Variants in TAF2 observed in about 807,000 individuals in gnomAD.
TAF2 encodes transcription initiation factor TFIID subunit 2.
TAF2 carries 61 observed loss-of-function variants against 138.5 expected under a neutral mutation model. The observed-to-expected ratio is 0.44, with a 90% confidence interval of 0.36 to 0.54. The LOEUF is 0.54. Among genes scored for constraint, TAF2 ranks in the 20% least tolerant of loss-of-function variants. The pLI is 0.00. For synonymous variants in TAF2, 475 were observed against 469.9 expected, an observed-to-expected ratio of 1.01 and a Z score of -0.14; for missense variants, 1,090 against 1,427.9, an observed-to-expected ratio of 0.76 and a Z score of 3.81.
In TAF2 at chr8:119,778,019, C is replaced by G; in HGVS notation, c.2364G>C (p.Lys788Asn). Residue 788 changes from lysine to asparagine, a missense_variant and splice_region_variant, in exon 18 of 26, where the codon AAG (lysine) becomes AAC (asparagine). Around this residue, in one of 3 missense-constraint regions of TAF2, gnomAD observed 580 missense variants for 719.6 expected, o/e 0.81. Coordinates refer to ENST00000378164, the MANE Select transcript of TAF2 (RefSeq NM_003184.4). ...AGATTTAAAAATAAAAGTACCTCAC[C>G]TTATTTTTCCTGTTGTCATTGTACT... is the stretch of plus-strand genomic sequence containing the variant. ...LIKYNDNRKN[K>N]FSDNYYRAEM... The G allele has an allele frequency of 6.8e-7, 1 of 1,474,262 alleles. No homozygotes were observed. Among genetic ancestry groups the G allele is most frequent in the Non-Finnish European group, 9.4e-7 (1 of 1,061,558 alleles). 91.3% of individuals were successfully genotyped at this position (1,474,262 alleles called of 1,614,324 possible).
Position 119,744,306 on chromosome 8 carries a change from C to G in TAF2, c.3196G>C (p.Glu1066Gln), listed in dbSNP as rs760524439. ...ATCTTACCTGGAGTTGACGGCCTTT[C>G]AAGCATGTTTAAATGATGGGAAATG... ...AFISHHLNML[E>Q]RPSTPGLSKY... Residue 1066 changes from glutamate (E) to glutamine (Q), a missense_variant, in exon 24 of 26, where the codon GAA becomes CAA. Transcript: ENST00000378164. The G allele has an allele frequency of 6.2e-7, 1 of 1,613,812 alleles. No homozygotes were observed. Among genetic ancestry groups the G allele is most frequent in the South Asian group, 1.1e-5 (1 of 91,080 alleles).
intron 2 of TAF2, among the ~76,000 whole-genome samples, chr8:119,821,741 A>G (rs1483506347): frequency 1.3e-5 from 2 of 152,188 alleles, no homozygotes; most frequent in African/African-American, 4.8e-5. Flanking sequence ...TATTAGTGTT[A>G]TTATGACAAC....
At chr8:119,774,265 T>C (rs1339349334) in intron 18 of TAF2, among the ~76,000 whole-genome samples, 1 of 152,134 alleles carries the variant, frequency 6.6e-6, no homozygotes. Context: ...CATCAAAACC[T>C]AGTATTAATG....
intron 23 of TAF2, among the ~76,000 whole-genome samples, chr8:119,746,015 G>A (rs1411788897): frequency 6.6e-6 from 1 of 151,992 alleles, no homozygotes; most frequent in Non-Finnish European, 1.5e-5. Context: ...AAAAAGACAA[G>A]GCCCCTGTTT....
At position 119,779,249 on chromosome 8, in the gene TAF2, GACAC is replaced by G. The variant is rs10636618; in HGVS notation, c.2254-1124_2254-1121del. ...AAATACATTTTGTAACACAACCTAA[GACAC>G]ACACACACACACACACACACACACA... On this transcript the variant is annotated intron_variant, in intron 17 of 25. Coordinates refer to ENST00000378164, the MANE Select transcript of TAF2 (RefSeq NM_003184.4). 7.7e-3 allele frequency among the ~76,000 whole-genome samples: 1,142 copies of G among 147,362 alleles called. 10 individuals are homozygous for G. The highest frequency in any genetic ancestry group is 0.023 in the African/African-American group (929 of 39,832).
At chr8:119,781,415 C>T (rs1254091691) in intron 16 of TAF2, among the ~76,000 whole-genome samples, 1 of 152,176 alleles carries the variant, frequency 6.6e-6, no homozygotes, top group East Asian at 1.9e-4. Context: ...TGGTGGCTCA[C>T]ACCTGTAATC....
chr8:119,818,223 A>G (rs1825600241), intron 3 of TAF2, among the ~76,000 whole-genome samples: 1 of 152,202 alleles, frequency 6.6e-6, no homozygotes, highest in African/African-American at 2.4e-5. Flanking sequence ...GTAGGAGCCT[A>G]CCCACAATTT....
At chr8:119,778,912 A>G (rs115067217) in intron 17 of TAF2, among the ~76,000 whole-genome samples, 1,682 of 152,306 alleles carry the variant, frequency 0.011, 32 homozygotes, top group African/African-American at 0.038. Flanking sequence ...GATATGGACT[A>G]GCCCCTCTTC....
intron 21 of TAF2, among the ~76,000 whole-genome samples, chr8:119,757,586 A>T (rs891034372): frequency 3.9e-4 from 55 of 139,356 alleles, no homozygotes; most frequent in African/African-American, 1.4e-3. Flanking sequence ...TCTGCTAATA[A>T]TTTTTTTTTT....
Position 119,789,676 on chromosome 8 carries a change from T to G in TAF2, c.1484A>C (p.Gln495Pro). 6.2e-7 allele frequency: 1 copy of G among 1,613,964 alleles called. No individual in the cohort carries two copies. The highest frequency in any genetic ancestry group is 8.5e-7 in the Non-Finnish European group (1 of 1,179,958). The change falls in exon 12 of 26, where the codon CAG becomes CCG. Residue 495 changes from glutamine to proline, a missense_variant. This residue lies in a region of TAF2 where 504 missense variants were observed against 680.9 expected (regional missense o/e 0.74). Coordinates refer to ENST00000378164, the MANE Select transcript of TAF2 (RefSeq NM_003184.4). ...SQKFQSHMWS[Q>P]MLVSTSGFLK... ...AAACCCAGATGTGGAAACCAACATC[T>G]GACTCCACATATGTGACTGGAACTT...
chr8:119,789,485 G>T, intron 12 of TAF2, 107 bp downstream of exon 12: 1 of 1,322,186 alleles, frequency 7.6e-7, no homozygotes, highest in Non-Finnish European at 1.1e-6. Flanking sequence ...AATATAAACA[G>T]TTCATACTTC....
intron 9 of TAF2, among the ~76,000 whole-genome samples, chr8:119,794,108 A>G (rs1349428771): frequency 2.6e-5 from 4 of 152,208 alleles, no homozygotes; most frequent in East Asian, 3.9e-4. Flanking sequence ...GAAAAAAAGC[A>G]TAAGTGAAGA....
At chr8:119,817,475 G>A (rs1001196026) in intron 3 of TAF2, among the ~76,000 whole-genome samples, 1 of 152,072 alleles carries the variant, frequency 6.6e-6, no homozygotes, top group Non-Finnish European at 1.5e-5. Context: ...TGCCCCCCTG[G>A]TCCGTGGAAA....
chr8:119,797,707 T>C lies in TAF2; in HGVS notation c.932A>G (p.Glu311Gly). The change falls in exon 7 of 26, where the codon GAG (glutamate) becomes GGG (glycine). Residue 311 changes from glutamate to glycine, a missense_variant. Physicochemically the swap from Glu to Gly is moderately conservative, Grantham distance 98. Transcript: ENST00000378164. ...ATAAGCAGCCACTTCAACATAAGCC[T>C]CATCAATGAAGACAGTCTTAAAACA... ...YSCFKTVFID[E>G]AYVEVAAYAS... The C allele has an allele frequency of 6.2e-7, 1 of 1,613,506 alleles. No individual in the cohort carries two copies. Among genetic ancestry groups the C allele is most frequent in the African/African-American group, 1.3e-5 (1 of 74,998 alleles).
In TAF2 at chr8:119,832,657, G is replaced by A. The variant is rs1220026110; in HGVS notation, c.-93C>T. On this transcript the variant is annotated 5_prime_UTR_variant, in exon 1 of 26. Transcript: ENST00000378164. ...ACCTCACACTCTCCACTCCCCTGCG[G>A]TCCCCAAGTCACGTCTCGCAGCTGG... 6 of 1,229,416 alleles carry A rather than the reference G, an allele frequency of 4.9e-6. No homozygotes were observed. The highest frequency in any genetic ancestry group is 6.8e-6 in the Non-Finnish European group (6 of 876,228). 76.2% of individuals were successfully genotyped at this position (1,229,416 alleles called of 1,614,324 possible).
At chr8:119,830,152 C>T (rs1184509871) in intron 2 of TAF2, among the ~76,000 whole-genome samples, 1 of 152,032 alleles carries the variant, frequency 6.6e-6, no homozygotes, top group East Asian at 1.9e-4. Flanking sequence ...CCCGCCTCAG[C>T]CTCCCAAAGT....
At chr8:119,771,733 A>G (rs1305026579) in intron 18 of TAF2, among the ~76,000 whole-genome samples, 1 of 152,206 alleles carries the variant, frequency 6.6e-6, no homozygotes, top group African/African-American at 2.4e-5. Flanking sequence ...CAGCAATGCA[A>G]TAATAGTGGT....
Position 119,762,344 on chromosome 8 carries a change from T to C in TAF2, c.2558+71A>G, listed in dbSNP as rs944868994. 4 of 1,466,432 alleles carry C rather than the reference T, an allele frequency of 2.7e-6. No individual in the cohort carries two copies. The Admixed American group carries it at 5.4e-5, about 20-fold the overall frequency. 90.8% of individuals were successfully genotyped at this position (1,466,432 alleles called of 1,614,324 possible). ...TTTACTTTACTATATTTCCCAATTT[T>C]CTATAACAAAAATAAATTTCTTTTA... On this transcript the variant is annotated intron_variant, in intron 19 of 25. Transcript: ENST00000378164.
At chr8:119,745,388 A>C (rs1201788405) in intron 23 of TAF2, among the ~76,000 whole-genome samples, 1 of 151,922 alleles carries the variant, frequency 6.6e-6, no homozygotes, top group Non-Finnish European at 1.5e-5. Context: ...AGAGCTCTTT[A>C]ATGAGACTCT....
Sources: allele counts gnomAD v4.1 joint callset (sites outside exome capture counted in the v4.1 genomes callset), GRCh38; gene constraint gnomAD v4.1.1; regional missense constraint gnomAD v4.1.1; transcripts MANE v1.5; gene names NCBI Gene and HGNC (gene_info 2026-07-23, HGNC 2026-07-21).